WDR27: variants seen among roughly 807,000 people sequenced by gnomAD.
WDR27 encodes the protein WD repeat-containing protein 27.
In WDR27, 100 loss-of-function variants were observed where a neutral mutation model predicts 114.4. That is an observed-to-expected ratio of 0.87 (90% CI 0.74 to 1.03). WDR27 has a LOEUF of 1.03. WDR27 is among the 50% of genes least tolerant of loss of function. The pLI is 0.00. For synonymous variants in WDR27, 449 were observed against 423.1 expected (o/e 1.06, Z -0.75); for missense variants, 1,129 against 1,092.9 (o/e 1.03, Z -0.47).
intron 25 of WDR27, among the ~76,000 whole-genome samples, chr6:169,478,490 A>C (rs566090997): frequency 6.6e-6 from 1 of 152,288 alleles, no homozygotes; most frequent in East Asian, 1.9e-4. Flanking sequence ...GTACAGTAAT[A>C]CTTTATTATG....
chr6:169,557,235 C>T (rs1389080579), intron 25 of WDR27, among the ~76,000 whole-genome samples: 1 of 152,202 alleles, frequency 6.6e-6, no homozygotes, highest in African/African-American at 2.4e-5. Context: ...AGAATGCGTG[C>T]AACATTGTGG....
chr6:169,629,980 G>A (rs934879842), intron 21 of WDR27, among the ~76,000 whole-genome samples: 19 of 148,302 alleles, frequency 1.3e-4, no homozygotes, highest in African/African-American at 3.2e-4. Flanking sequence ...GAAACTTCAC[G>A]TATAAGATTC....
At chr6:169,606,071 C>CA (rs1809114336) in intron 22 of WDR27, among the ~76,000 whole-genome samples, 1 of 152,068 alleles carries the variant, frequency 6.6e-6, no homozygotes, top group African/African-American at 2.4e-5. Context: ...ACTAAGAACT[C>CA]AAAACCAGAG....
intron 25 of WDR27, among the ~76,000 whole-genome samples, chr6:169,571,557 G>A (rs1801425419): frequency 6.6e-6 from 1 of 152,230 alleles, no homozygotes; most frequent in Non-Finnish European, 1.5e-5. Flanking sequence ...GCCACGTGCG[G>A]CAGCTCGCAC....
Position 169,643,728 on chromosome 6 carries a change from G to A in WDR27, c.1716C>T (p.Ala572=). 2 of 1,613,686 alleles carry A rather than the reference G, an allele frequency of 1.2e-6. No individual in the cohort carries two copies. Among genetic ancestry groups the A allele is most frequent in the South Asian group, 1.1e-5 (1 of 91,048 alleles). Residue 572 remains alanine, a synonymous_variant, in exon 17 of 26, where the codon GCC becomes GCT. Transcript: ENST00000448612. ...ACACAGCAGGTGTCCCAGTCAGGCTGGCATCAAAAACGAGTAACAGATGGT... is the reference window on the plus strand; with the variant it reads ...ACACAGCAGGTGTCCCAGTCAGGCTAGCATCAAAAACGAGTAACAGATGGT... The part of the protein sequence containing the change: ...LANHLLLVFD[A]SLTGTPAVFS...
chr6:169,696,372 T>C (rs1785975355), intron 1 of WDR27, among the ~76,000 whole-genome samples: 1 of 152,060 alleles, frequency 6.6e-6, no homozygotes, highest in African/African-American at 2.4e-5. Flanking sequence ...AAGCAAGAGA[T>C]CACATACACA....
intron 25 of WDR27, among the ~76,000 whole-genome samples, chr6:169,472,099 C>G (rs1047617355): frequency 6.6e-5 from 10 of 152,132 alleles, no homozygotes; most frequent in African/African-American, 2.4e-4. Flanking sequence ...CATGTGTTAC[C>G]AATCCATCAG....
rs1325347287 is a variant in WDR27 at position 169,652,431 on chromosome 6, T to C, written c.1403-423A>G. On this transcript the variant is annotated intron_variant, in intron 13 of 25. Transcript: ENST00000448612. ...GCCTGGCTAATTTTTGTATTTTTAA[T>C]AGAGAGGGGGTTTCACCATGTTGGT... is the stretch of plus-strand genomic sequence containing the variant. Among the ~76,000 whole-genome samples the C allele has an allele frequency of 2.0e-5, 3 of 152,316 alleles. No homozygotes were observed. The East Asian group carries it at 5.8e-4, about 29-fold the overall frequency.
intron 13 of WDR27, among the ~76,000 whole-genome samples, chr6:169,652,271 C>T (rs571689944): frequency 2.6e-5 from 4 of 152,260 alleles, no homozygotes; most frequent in South Asian, 4.1e-4. Context: ...GTTGTTGAGA[C>T]GGAGTCTCGC....
intron 25 of WDR27, among the ~76,000 whole-genome samples, chr6:169,519,944 G>T (rs1159029507): frequency 6.6e-6 from 1 of 152,090 alleles, no homozygotes; most frequent in East Asian, 1.9e-4. Flanking sequence ...ACACAAAAAA[G>T]TGAGATTGAG....
chr6:169,445,423 T>A, the WDR27 span, among the ~76,000 whole-genome samples: 1 of 152,084 alleles, frequency 6.6e-6, no homozygotes, highest in Non-Finnish European at 1.5e-5. Context: ...CTTCCACCAC[T>A]AGCAACCAGG....
intron 22 of WDR27, among the ~76,000 whole-genome samples, chr6:169,609,489 G>T (rs1475515280): frequency 6.6e-6 from 1 of 151,858 alleles, no homozygotes; most frequent in African/African-American, 2.4e-5. Context: ...GCCAAGGACT[G>T]GGGCTTGCAC....
chr6:169,698,590 T>TC (rs1003592437), intron 1 of WDR27, among the ~76,000 whole-genome samples: 1 of 152,242 alleles, frequency 6.6e-6, no homozygotes, highest in African/African-American at 2.4e-5. Context: ...CTGGCAGTTT[T>TC]CCCCAAGCTC....
intron 25 of WDR27, among the ~76,000 whole-genome samples, chr6:169,516,788 A>AACACACACAC (rs3032851): frequency 0.12 from 14,435 of 119,042 alleles, 1,121 homozygotes; most frequent in Non-Finnish European, 0.16. Context: ...GGCATGCTCC[A>AACACACACAC]ACACACACAC....
At chr6:169,464,903 A>C (rs191083908) in intron 25 of WDR27, among the ~76,000 whole-genome samples, 1 of 152,188 alleles carries the variant, frequency 6.6e-6, no homozygotes, top group African/African-American at 2.4e-5. Flanking sequence ...TGGGCAGATC[A>C]CCTGAGGTCA....
intron 24 of WDR27, among the ~76,000 whole-genome samples, chr6:169,581,959 A>G (rs754001214): frequency 6.6e-6 from 1 of 152,198 alleles, no homozygotes; most frequent in Non-Finnish European, 1.5e-5. Context: ...ACTGGAGATA[A>G]CTAATACCTG....
chr6:169,564,880 G>A (rs989587644), intron 25 of WDR27, among the ~76,000 whole-genome samples: 2 of 152,228 alleles, frequency 1.3e-5, no homozygotes, highest in African/African-American at 2.4e-5. Context: ...AGTAATGAAC[G>A]CCCGCGTCCT....
intron 21 of WDR27, among the ~76,000 whole-genome samples, chr6:169,631,847 A>G (rs1238569541): frequency 2.0e-5 from 3 of 152,194 alleles, no homozygotes; most frequent in Non-Finnish European, 4.4e-5. Flanking sequence ...AAAAAACTTT[A>G]TAGATAATCA....
chr6:169,432,303 AT>A, the WDR27 span, among the ~76,000 whole-genome samples: 1 of 152,194 alleles, frequency 6.6e-6, no homozygotes, highest in East Asian at 1.9e-4. Flanking sequence ...ATTCAGACAC[AT>A]TTTCACAGTT....
Sources: allele counts gnomAD v4.1 joint callset (sites outside exome capture counted in the v4.1 genomes callset), GRCh38; gene constraint gnomAD v4.1.1; transcripts MANE v1.5; gene names NCBI Gene and HGNC (gene_info 2026-07-23, HGNC 2026-07-21).